Variants in CLUL1 observed in about 807,000 individuals in gnomAD.
CLUL1 encodes clusterin-like protein 1.
CLUL1 carries 43 observed loss-of-function variants against 49.4 expected under a neutral mutation model. The observed-to-expected ratio is 0.87, with a 90% CI of 0.68 to 1.12. The LOEUF (loss-of-function observed/expected upper bound fraction) is 1.12, where lower values mean the gene tolerates loss of function less well. Among genes scored for constraint, CLUL1 ranks in the 50% most tolerant of loss-of-function variants. The probability of loss-of-function intolerance (pLI) is 0.00; values close to 1 mark genes in which losing one functional copy is unlikely to be tolerated. For missense variants in CLUL1, 486 were observed against 544.4 expected (o/e 0.89, Z 1.07); for synonymous variants, 192 against 184.9 (o/e 1.04, Z -0.31).
chr18:636,991 T>C (rs1334020481), intron 7 of CLUL1, among the ~76,000 whole-genome samples: 7 of 150,048 alleles, frequency 4.7e-5, no homozygotes, highest in African/African-American at 1.7e-4. Flanking sequence ...TTTGTTTTTG[T>C]TTTTGTTTTT....
At chr18:622,456 C>T (rs1168292668) in intron 4 of CLUL1, among the ~76,000 whole-genome samples, 2 of 152,150 alleles carry the variant, frequency 1.3e-5, no homozygotes, top group Non-Finnish European at 2.9e-5. Flanking sequence ...ATGCCTGGCT[C>T]AATGCCAGGT....
chr18:637,136 G>A (rs2074165686), intron 7 of CLUL1, among the ~76,000 whole-genome samples: 1 of 151,854 alleles, frequency 6.6e-6, no homozygotes, highest in Non-Finnish European at 1.5e-5. Context: ...ACAGGCGCCC[G>A]CCACCATGCC....
chr18:597,678 A>G (rs1258450118), intron 1 of CLUL1: 1 of 152,408 alleles, frequency 6.6e-6, no homozygotes, highest in Non-Finnish European at 1.5e-5. Context: ...ACTGCACTCC[A>G]GCCTGGACAA....
At chr18:600,001 T>G (rs2072779019) in intron 1 of CLUL1, among the ~76,000 whole-genome samples, 1 of 152,150 alleles carries the variant, frequency 6.6e-6, no homozygotes, top group African/African-American at 2.4e-5. Context: ...ACTGAATTAT[T>G]TCCCTTAGTA....
intron 7 of CLUL1, 128 bp downstream of exon 7, chr18:633,563 A>G: frequency 3.6e-6 from 3 of 827,238 alleles, no homozygotes; most frequent in Non-Finnish European, 5.6e-6. Flanking sequence ...CAGCAAGGAA[A>G]GTTACTTCTA....
In CLUL1 at chr18:647,206, T is replaced by C. The variant is rs55682792; in HGVS notation, c.1397+2109T>C. On this transcript the variant is annotated intron_variant, in intron 9 of 9. Coordinates refer to ENST00000692774, the MANE Select transcript of CLUL1 (RefSeq NM_001393344.1). ...AAGAAAGAGTAGAGCATCTAGGTAC[T>C]GAGGGTGCTGGGAAGTCCTGCTAAA... Among the ~76,000 whole-genome samples the C allele has an allele frequency of 4.5e-3, 688 of 151,718 alleles. 7 individuals are homozygous for C. The highest frequency in any genetic ancestry group is 0.016 in the African/African-American group (642 of 41,118).
chr18:636,110 A>G (rs2074130097), intron 7 of CLUL1, among the ~76,000 whole-genome samples: 1 of 152,180 alleles, frequency 6.6e-6, no homozygotes, highest in East Asian at 1.9e-4. Flanking sequence ...ATACACCACA[A>G]TACTAATAAA....
At chr18:645,804 A>AT (rs1421103818) in intron 9 of CLUL1, among the ~76,000 whole-genome samples, 7 of 48,668 alleles carry the variant, frequency 1.4e-4, no homozygotes, top group Non-Finnish European at 2.7e-4. Flanking sequence ...AAAAAAAAAA[A>AT]AAAAAAATAT....
At chr18:605,710 G>C (rs193274657) in intron 1 of CLUL1, among the ~76,000 whole-genome samples, 1 of 152,004 alleles carries the variant, frequency 6.6e-6, no homozygotes, top group Non-Finnish European at 1.5e-5. Context: ...AGGGTCTTGC[G>C]CTGTCACCCA....
At chr18:598,593 G>A (rs2072726518) in intron 1 of CLUL1, 5 of 398,408 alleles carry the variant, frequency 1.3e-5, no homozygotes, top group Admixed American at 8.8e-5. Context: ...GTGAGCAGAG[G>A]GTCAGATCAC....
intron 6 of CLUL1, among the ~76,000 whole-genome samples, chr18:631,751 G>A (rs2073999543): frequency 2.0e-5 from 3 of 152,156 alleles, no homozygotes; most frequent in South Asian, 2.1e-4. Context: ...TGGGTAAAAT[G>A]GCAGAAGAAG....
intron 1 of CLUL1, among the ~76,000 whole-genome samples, chr18:600,387 A>G (rs1161062300): frequency 1.3e-5 from 2 of 152,180 alleles, no homozygotes; most frequent in Non-Finnish European, 2.9e-5. Flanking sequence ...GTTTGAGGAT[A>G]AGGACTTACT....
At chr18:636,683 T>C (rs1377366266) in intron 7 of CLUL1, among the ~76,000 whole-genome samples, 1 of 143,720 alleles carries the variant, frequency 7.0e-6, no homozygotes, top group Non-Finnish European at 1.5e-5. Flanking sequence ...TGGAGTGCAA[T>C]GGCACGATCT....
chr18:626,783 C>T (rs1389820289), intron 5 of CLUL1, among the ~76,000 whole-genome samples: 1 of 148,328 alleles, frequency 6.7e-6, no homozygotes, highest in Admixed American at 7.0e-5. Context: ...ATCACTTGAA[C>T]CCAGGAGGCG....
chr18:638,584 A>G (rs1171981213), intron 7 of CLUL1, among the ~76,000 whole-genome samples: 1 of 152,214 alleles, frequency 6.6e-6, no homozygotes, highest in Non-Finnish European at 1.5e-5. Flanking sequence ...TAGGCCAGCC[A>G]TGGTGGCTCA....
rs1323793834 is a variant in CLUL1 at position 627,127 on chromosome 18, T to C, written c.454T>C (p.Phe152Leu). Residue 152 changes from phenylalanine (F) to leucine (L), a missense_variant, in exon 6 of 10, where the codon TTT (phenylalanine) becomes CTT (leucine). Transcript: ENST00000692774. ...ACGGTTTTTCAGGAAGATATATCAA[T>C]TTCTATTTCCTTTCCATGAAGATAA... ...IERFFRKIYQ[F>L]LFPFHEDNEK... The C allele has an allele frequency of 6.2e-7, 1 of 1,612,594 alleles. No individual in the cohort carries two copies. The highest frequency in any genetic ancestry group is 1.3e-5 in the African/African-American group (1 of 74,898).
At chr18:610,276 A>C (rs556101945) in intron 2 of CLUL1, among the ~76,000 whole-genome samples, 1 of 152,310 alleles carries the variant, frequency 6.6e-6, no homozygotes, top group Non-Finnish European at 1.5e-5. Context: ...AAAGCGCGGC[A>C]CTTCGAAGAC....
intron 6 of CLUL1, 169 bp downstream of exon 6, chr18:627,698 C>T (rs1303972291): frequency 1.8e-5 from 10 of 556,204 alleles, no homozygotes; most frequent in Non-Finnish European, 9.4e-6. Context: ...GTCTGCTAAA[C>T]ACCATCCCTC....
chr18:645,668 C>A (rs1490656337), intron 9 of CLUL1, among the ~76,000 whole-genome samples: 1 of 149,128 alleles, frequency 6.7e-6, no homozygotes, highest in Non-Finnish European at 1.5e-5. Context: ...GTGGCGGGCG[C>A]CTGTAGTCCC....
Sources: allele counts gnomAD v4.1 joint callset (sites outside exome capture counted in the v4.1 genomes callset), GRCh38; gene constraint gnomAD v4.1.1; transcripts MANE v1.5; gene names NCBI Gene and HGNC (gene_info 2026-07-23, HGNC 2026-07-21).